Variants in SAMD8 observed in about 807,000 individuals in gnomAD.
SAMD8 encodes sterile alpha motif domain containing 8.
In SAMD8, 20 loss-of-function variants were observed where a neutral mutation model predicts 42.0. The ratio of observed to expected loss-of-function variants is 0.48; its 90% CI spans 0.34 to 0.69. The LOEUF is 0.69. SAMD8 is among the 30% of genes least tolerant of loss of function. The pLI is 0.01. For synonymous variants in SAMD8, 162 were observed against 173.0 expected, an observed-to-expected ratio of 0.94 and a Z score of 0.50; for missense variants, 328 against 511.6, an observed-to-expected ratio of 0.64 and a Z score of 3.46.
chr10:75,169,048 G>A (rs1840765863), intron 4 of SAMD8, among the ~76,000 whole-genome samples: 1 of 150,628 alleles, frequency 6.6e-6, no homozygotes, highest in African/African-American at 2.4e-5. Context: ...GTGGGCACTT[G>A]TAATCCCAGC....
chr10:75,129,095 A>G (rs889373845), intron 1 of SAMD8, among the ~76,000 whole-genome samples: 17 of 150,964 alleles, frequency 1.1e-4, no homozygotes, highest in African/African-American at 4.1e-4. Flanking sequence ...CTAATTCTAA[A>G]GATATTTATT....
chr10:75,108,628 G>T (rs1021341235), upstream of SAMD8, among the ~76,000 whole-genome samples: 5 of 152,072 alleles, frequency 3.3e-5, no homozygotes, highest in Non-Finnish European at 5.9e-5. Context: ...TTCACCTTCA[G>T]TCAGGCTTCT....
At chr10:75,100,741 G>C (rs1848108803) in intron 1 of SAMD8, among the ~76,000 whole-genome samples, 1 of 152,228 alleles carries the variant, frequency 6.6e-6, no homozygotes, top group Non-Finnish European at 1.5e-5. Context: ...GGCTGCTCCT[G>C]TGCTGCTGCT....
chr10:75,115,945 A>G (rs992584650), intron 1 of SAMD8, among the ~76,000 whole-genome samples: 5 of 151,474 alleles, frequency 3.3e-5, no homozygotes, highest in Admixed American at 6.6e-5. Context: ...CGTCTCAAAA[A>G]AAAAAAAAAA....
At chr10:75,131,612 A>G (rs1374589254) in intron 1 of SAMD8, among the ~76,000 whole-genome samples, 5 of 152,160 alleles carry the variant, frequency 3.3e-5, no homozygotes, top group Admixed American at 6.6e-5. Flanking sequence ...TACAATTTAT[A>G]TATTTCTGAT....
chr10:75,102,491 A>C (rs1848231801), intron 1 of SAMD8, among the ~76,000 whole-genome samples: 3 of 152,224 alleles, frequency 2.0e-5, no homozygotes, highest in Admixed American at 6.5e-5. Flanking sequence ...TAGTGGGAGA[A>C]GGAAGATCAA....
In SAMD8 at chr10:75,176,357, C is replaced by T; in HGVS notation, c.944-31C>T. 6.3e-7 allele frequency: 1 copy of T among 1,578,702 alleles called. No homozygotes were observed. The highest frequency in any genetic ancestry group is 8.6e-7 in the Non-Finnish European group (1 of 1,163,524). ...CTGAGAAGCATTGGAAGGAATGTAG[C>T]TTTAAAATGATCTTTCTGTCCTTTT... is the stretch of plus-strand genomic sequence containing the variant. On this transcript the variant is annotated intron_variant, in intron 5 of 5. Coordinates refer to ENST00000542569, the MANE Select transcript of SAMD8 (RefSeq NM_001174156.2). The surrounding 1 kb of genome is among the most constrained non-coding windows in gnomAD (Gnocchi z 4.3).
At chr10:75,140,126 A>G (rs1384795645) in intron 1 of SAMD8, among the ~76,000 whole-genome samples, 1 of 152,160 alleles carries the variant, frequency 6.6e-6, no homozygotes, top group Non-Finnish European at 1.5e-5. Flanking sequence ...TCTGGACTCT[A>G]TATTCTGTTT....
intron 1 of SAMD8, among the ~76,000 whole-genome samples, chr10:75,101,373 T>G (rs1239923182): frequency 6.6e-6 from 1 of 152,208 alleles, no homozygotes; most frequent in Non-Finnish European, 1.5e-5. Flanking sequence ...ATAATTACTC[T>G]TACCCTTTCC....
At position 75,176,186 on chromosome 10, in the gene SAMD8, C is replaced by T. The variant is rs1055015337; in HGVS notation, c.913C>T (p.Leu305=). The part of the protein sequence containing the change: ...DYMFSGHTVV[L]TMLNFFVTEY... ...CATGTTTAGTGGCCACACAGTCGTCCTAACTATGCTGAATTTCTTTGTCAC... is the reference window on the plus strand; with the variant it reads ...CATGTTTAGTGGCCACACAGTCGTCTTAACTATGCTGAATTTCTTTGTCAC... The change falls in exon 5 of 6, where the codon CTA becomes TTA. Residue 305 remains leucine, a synonymous_variant. Transcript: ENST00000542569. The surrounding 1 kb of genome is among the most constrained non-coding windows in gnomAD (Gnocchi z 4.3). The T allele has an allele frequency of 1.2e-6, 2 of 1,614,046 alleles. No homozygotes were observed. Among genetic ancestry groups the T allele is most frequent in the Non-Finnish European group, 1.7e-6 (2 of 1,180,024 alleles).
chr10:75,110,823 AT>A (rs139276144), upstream of SAMD8, among the ~76,000 whole-genome samples: 39 of 150,210 alleles, frequency 2.6e-4, no homozygotes, highest in African/African-American at 8.5e-4. Flanking sequence ...TAGCACTAGG[AT>A]TTTTTTTTTG....
At chr10:75,134,102 G>A (rs1411213296) in intron 1 of SAMD8, among the ~76,000 whole-genome samples, 3 of 152,068 alleles carry the variant, frequency 2.0e-5, no homozygotes, top group African/African-American at 7.2e-5. Flanking sequence ...GGTATTGCTG[G>A]GACAAATGGC....
At chr10:75,103,663 C>A (rs1293291860) in intron 1 of SAMD8, among the ~76,000 whole-genome samples, 2 of 152,260 alleles carry the variant, frequency 1.3e-5, no homozygotes, top group African/African-American at 2.4e-5. Context: ...CCCATGCCTG[C>A]AGCCATACCT....
intron 1 of SAMD8, chr10:75,105,852 G>A (rs1274781456): frequency 6.5e-7 from 1 of 1,550,306 alleles, no homozygotes; most frequent in Non-Finnish European, 8.7e-7. Context: ...CCACCACACA[G>A]TGCACCAGGA....
intron 1 of SAMD8, among the ~76,000 whole-genome samples, chr10:75,141,379 C>A (rs1288813863): frequency 6.6e-6 from 1 of 151,026 alleles, no homozygotes; most frequent in Non-Finnish European, 1.5e-5. Context: ...GAAAGGAAGA[C>A]AATTGATTTT....
At position 75,177,493 on chromosome 10, in the gene SAMD8, G is replaced by A. The variant is rs199688338; in HGVS notation, c.*801G>A. ...AGAATAACTTCTTTGTGCTATAGTT[G>A]TTAGATGACAGTTCAATTTTATGCT... On this transcript the variant is annotated 3_prime_UTR_variant, in exon 6 of 6. Coordinates refer to ENST00000542569, the MANE Select transcript of SAMD8 (RefSeq NM_001174156.2). 1.1e-4 allele frequency: 16 copies of A among 152,292 alleles called. No individual in the cohort carries two copies. The East Asian group carries it at 2.5e-3, about 24-fold the overall frequency. 9.4% of individuals were successfully genotyped at this position (152,292 alleles called of 1,614,324 possible). A position where few individuals can be genotyped will look rare whatever the true frequency, so the allele number is the denominator to read the frequency against.
chr10:75,131,905 A>G (rs920923833), intron 1 of SAMD8, among the ~76,000 whole-genome samples: 7 of 152,198 alleles, frequency 4.6e-5, no homozygotes, highest in Non-Finnish European at 1.0e-4. Context: ...AGCTTTTTAA[A>G]AAATGCAGAT....
chr10:75,170,786 T>G (rs867698468), intron 4 of SAMD8, among the ~76,000 whole-genome samples: 3,121 of 147,882 alleles, frequency 0.021, 53 homozygotes, highest in Middle Eastern at 0.031. Flanking sequence ...TTTTTTTTTT[T>G]TTTTTGAGGT....
At chr10:75,105,616 C>G (rs1218423306) in intron 1 of SAMD8, 2 of 1,520,112 alleles carry the variant, frequency 1.3e-6, no homozygotes, top group Non-Finnish European at 1.8e-6. Flanking sequence ...CCTCACCTGG[C>G]CTCTTCCGGC....
Sources: gnomAD v4.1 joint callset for allele counts (sites outside exome capture counted in the v4.1 genomes callset) on GRCh38, gnomAD v4.1.1 for gene constraint, Gnocchi (gnomAD v3.1) non-coding constraint, MANE v1.5 for transcripts, NCBI Gene and HGNC (gene_info 2026-07-23, HGNC 2026-07-21) for gene names.